The following PCDHA10 variants were observed in gnomAD, a reference collection of about 807,000 sequenced individuals.
The protein encoded by PCDHA10 is protocadherin alpha-10.
PCDHA10 carries 45 observed loss-of-function variants against 61.2 expected under a neutral mutation model. The ratio of observed to expected loss-of-function variants is 0.74; its 90% CI spans 0.58 to 0.94. The LOEUF (loss-of-function observed/expected upper bound fraction) is 0.94, where lower values mean the gene tolerates loss of function less well. Ranked by LOEUF, PCDHA10 falls within the 40% of genes least tolerant of loss-of-function variation. PCDHA10 has a pLI of 0.00. For synonymous variants in PCDHA10, 602 were observed against 548.8 expected (o/e 1.10, Z -1.35); for missense variants, 1,278 against 1,236.2 (o/e 1.03, Z -0.51).
chr5:140,870,480 C>T, intron 1 of PCDHA10: 1 of 1,614,236 alleles, frequency 6.2e-7, no homozygotes, highest in Non-Finnish European at 8.5e-7. Context: ...AGCCCGAGTA[C>T]ACCGTGTTCG....
chr5:140,939,499 A>G (rs1467638389), intron 1 of PCDHA10, among the ~76,000 whole-genome samples: 1 of 152,234 alleles, frequency 6.6e-6, no homozygotes, highest in African/African-American at 2.4e-5. Flanking sequence ...TATAAATTCA[A>G]TGTCTATAAC....
chr5:140,883,397 C>A, intron 1 of PCDHA10: 1 of 1,614,170 alleles, frequency 6.2e-7, no homozygotes. Flanking sequence ...TGTGTCCGAT[C>A]GTGACTCTGG....
chr5:140,999,215 C>A (rs1290752092), intron 3 of PCDHA10, among the ~76,000 whole-genome samples: 1 of 152,140 alleles, frequency 6.6e-6, no homozygotes, highest in East Asian at 1.9e-4. Context: ...TCTGGAAGTA[C>A]TACATTTGAG....
intron 1 of PCDHA10, chr5:140,868,773 G>T: frequency 3.8e-6 from 1 of 263,102 alleles, no homozygotes. Flanking sequence ...GTTTCAATAT[G>T]ACTTATAATC....
Position 140,877,055 on chromosome 5 carries a change from T to C in PCDHA10, c.2388+18619T>C, listed in dbSNP as rs566250084. 7 of 1,612,792 alleles carry C rather than the reference T, an allele frequency of 4.3e-6. No homozygotes were observed. The Admixed American group carries it at 5.0e-5, about 12-fold the overall frequency. On this transcript the variant is annotated intron_variant, in intron 1 of 3. Coordinates refer to ENST00000307360, the MANE Select transcript of PCDHA10 (RefSeq NM_018901.4). ...CTGCAGCCGCTAGACCACGAGGAGC[T>C]GGAGCTGCTGCAGTTCCAGGTGAGC... is the stretch of plus-strand genomic sequence containing the variant.
At chr5:140,872,960 C>T (rs953236645) in intron 1 of PCDHA10, among the ~76,000 whole-genome samples, 10 of 152,142 alleles carry the variant, frequency 6.6e-5, no homozygotes, top group African/African-American at 2.4e-4. Context: ...GTAGTATCAT[C>T]CCATCTGAAG....
At chr5:140,926,564 A>T in intron 1 of PCDHA10, 1 of 243,746 alleles carries the variant, frequency 4.1e-6, no homozygotes, top group Non-Finnish European at 7.8e-6. Flanking sequence ...GCCCGCTGCT[A>T]CTGGAGACAG....
intron 1 of PCDHA10, chr5:140,869,331 G>T: frequency 6.2e-7 from 1 of 1,613,954 alleles, no homozygotes; most frequent in Non-Finnish European, 8.5e-7. Flanking sequence ...ACCTTCTGGA[G>T]GTAAATCTGC....
chr5:140,934,612 T>G (rs2089946859), intron 1 of PCDHA10, among the ~76,000 whole-genome samples: 1 of 152,184 alleles, frequency 6.6e-6, no homozygotes, highest in South Asian at 2.1e-4. Flanking sequence ...TTGATTAGCC[T>G]GAGGTACAGT....
At chr5:140,883,311 C>T (rs1562787016) in intron 1 of PCDHA10, 9 of 1,613,984 alleles carry the variant, frequency 5.6e-6, no homozygotes, top group Non-Finnish European at 7.6e-6. Flanking sequence ...GATAACGCCC[C>T]AGAGGTTACC....
At chr5:140,870,508 C>T in intron 1 of PCDHA10, 1 of 1,614,244 alleles carries the variant, frequency 6.2e-7, no homozygotes, top group Non-Finnish European at 8.5e-7. Flanking sequence ...GAACAACCCA[C>T]CAGGCTGCCA....
chr5:140,870,288 G>A (rs782327278), intron 1 of PCDHA10: 4 of 1,614,090 alleles, frequency 2.5e-6, no homozygotes, highest in Admixed American at 3.3e-5. Flanking sequence ...TTCCCTTCAA[G>A]CTGGTGTCCA....
chr5:140,944,689 A>T (rs1360975363), intron 1 of PCDHA10, among the ~76,000 whole-genome samples: 1 of 152,226 alleles, frequency 6.6e-6, no homozygotes, highest in Non-Finnish European at 1.5e-5. Context: ...TCCTATTAAT[A>T]ACAGTAATTA....
intron 1 of PCDHA10, chr5:140,967,549 T>C (rs781838911): frequency 6.2e-7 from 1 of 1,614,012 alleles, no homozygotes; most frequent in Non-Finnish European, 8.5e-7. Flanking sequence ...ACCAGTCCAC[T>C]TATCGCGTCC....
chr5:140,856,512 G>T lies in PCDHA10; in HGVS notation c.464G>T (p.Gly155Val), dbSNP rs781905206. Residue 155 changes from glycine to valine, a missense_variant, in exon 1 of 4, where the codon GGC becomes GTC. Physicochemically the swap from Gly to Val is moderately radical, Grantham distance 109. Transcript: ENST00000307360. Reference protein sequence around the residue: ...RLLDSRFPLEGASDADVGENA... With the variant: ...RLLDSRFPLEVASDADVGENA... ...CTTGACTCTCGATTTCCACTAGAAG[G>T]CGCATCTGATGCGGATGTTGGAGAG... 1.9e-6 allele frequency: 3 copies of T among 1,598,396 alleles called. No individual in the cohort carries two copies. The South Asian group carries it at 3.3e-5, about 18-fold the overall frequency.
intron 1 of PCDHA10, chr5:140,868,241 T>C (rs1042254119): frequency 2.0e-5 from 3 of 152,140 alleles, no homozygotes; most frequent in Non-Finnish European, 4.4e-5. Flanking sequence ...TCTAGATCAA[T>C]AGACTTTTCC....
chr5:140,991,981 T>TACC (rs1311484629), intron 3 of PCDHA10, among the ~76,000 whole-genome samples: 8 of 152,126 alleles, frequency 5.3e-5, no homozygotes, highest in Admixed American at 2.0e-4. Flanking sequence ...TTATTCTGCC[T>TACC]ACCACCCGGT....
intron 1 of PCDHA10, among the ~76,000 whole-genome samples, chr5:140,917,405 T>C (rs2153543748): frequency 6.6e-6 from 1 of 152,162 alleles, no homozygotes; most frequent in South Asian, 2.1e-4. Flanking sequence ...AGCTCTTTAG[T>C]TTAATTAGGC....
At chr5:140,884,523 A>T (rs1393275293) in intron 1 of PCDHA10, 1 of 1,614,030 alleles carries the variant, frequency 6.2e-7, no homozygotes, top group Non-Finnish European at 8.5e-7. Flanking sequence ...TCGTACTCGC[A>T]GCAGAGGCGG....
Sources: allele counts gnomAD v4.1 joint callset (sites outside exome capture counted in the v4.1 genomes callset), GRCh38; gene constraint gnomAD v4.1.1; transcripts MANE v1.5; gene names NCBI Gene and HGNC (gene_info 2026-07-23, HGNC 2026-07-21).